The following NEURL3 variants were observed in gnomAD, a reference collection of about 807,000 sequenced individuals.
NEURL3 encodes the protein E3 ubiquitin-protein ligase NEURL3.
NEURL3 carries 19 observed loss-of-function variants against 17.6 expected under a neutral mutation model. The observed-to-expected ratio is 1.08, with a 90% CI of 0.75 to 1.58. The LOEUF (loss-of-function observed/expected upper bound fraction) is 1.58. Ranked by LOEUF, NEURL3 falls within the 40% of genes most tolerant of loss-of-function variation. NEURL3 has a pLI of 0.00. For missense variants in NEURL3, 342 were observed against 379.6 expected (o/e 0.90, Z 0.82); for synonymous variants, 180 against 161.4 (o/e 1.11, Z -0.87).
At chr2:96,506,231 A>G (rs2065559731), upstream of NEURL3, among the ~76,000 whole-genome samples, 1 of 151,930 alleles carries the variant, frequency 6.6e-6, no homozygotes, top group African/African-American at 2.4e-5. Context: ...TTTTTGAGAC[A>G]GGGTCTCACT....
rs145202138 is a variant in NEURL3 at position 96,503,310 on chromosome 2, G to C, written c.28+1949C>G. On this transcript the variant is annotated intron_variant, in intron 1 of 3. Transcript: ENST00000451794. ...GCAAAGCTCCCCGATCCCTGCTTCAGGAGCCTTCTCAGCAGCCCTGTATGG... is the reference window on the plus strand; with the variant it reads ...GCAAAGCTCCCCGATCCCTGCTTCACGAGCCTTCTCAGCAGCCCTGTATGG... Among the ~76,000 whole-genome samples, 702 of 152,280 alleles carry C rather than the reference G, an allele frequency of 4.6e-3. 7 individuals carry two copies. The Middle Eastern group carries it at 0.051, about 11-fold the overall frequency.
At chr2:96,502,100 C>T (rs1220940738) in intron 1 of NEURL3, among the ~76,000 whole-genome samples, 1 of 152,196 alleles carries the variant, frequency 6.6e-6, no homozygotes, top group Admixed American at 6.5e-5. Flanking sequence ...CCTGCAGTGA[C>T]CTTTCCCCAG....
At chr2:96,500,341 G>T in intron 2 of NEURL3, 98 bp downstream of exon 2, 1 of 1,510,814 alleles carries the variant, frequency 6.6e-7, no homozygotes, top group Non-Finnish European at 8.9e-7. Flanking sequence ...TGGAATAACT[G>T]AATGTGAACG....
chr2:96,499,108 G>A (rs1270776458), intron 3 of NEURL3: 1 of 1,104,912 alleles, frequency 9.1e-7, no homozygotes, highest in Admixed American at 3.5e-5. Flanking sequence ...CATTGGCAAA[G>A]CATTTACAAT....
At chr2:96,507,943 G>A (rs1036530602), upstream of NEURL3, 4 of 152,282 alleles carry the variant, frequency 2.6e-5, no homozygotes, top group Non-Finnish European at 5.9e-5. Context: ...CCCAGGTATC[G>A]TGGCTGGAGA....
intron 3 of NEURL3, among the ~76,000 whole-genome samples, chr2:96,499,006 G>C (rs2065471231): frequency 6.6e-6 from 1 of 152,092 alleles, no homozygotes; most frequent in Non-Finnish European, 1.5e-5. Context: ...TCAAACTCCT[G>C]GGCCCAAGCG....
At chr2:96,506,329 C>T (rs2065560427), upstream of NEURL3, among the ~76,000 whole-genome samples, 1 of 152,208 alleles carries the variant, frequency 6.6e-6, no homozygotes, top group Non-Finnish European at 1.5e-5. Flanking sequence ...CCTCAGCCTC[C>T]TGAGTAGCTG....
At position 96,504,679 on chromosome 2, in the gene NEURL3, A is replaced by G. The variant is rs578043080; in HGVS notation, c.28+580T>C. The G allele has an allele frequency of 4.2e-3, 645 of 152,292 alleles. 4 individuals are homozygous for G. The highest frequency in any genetic ancestry group is 0.024 in the Middle Eastern group (7 of 294). The allele number at this position is 152,292 out of a possible 1,614,324, so 9.4% of individuals were successfully genotyped here. A position where few individuals can be genotyped will look rare whatever the true frequency, so the allele number is the denominator to read the frequency against. ...TCACGAGGTCAGGAGATCGCGACCA[A>G]CCTGGCTAACATGGTGAAACCCCTT... On this transcript the variant is annotated intron_variant, in intron 1 of 3. Coordinates refer to ENST00000451794, the MANE Select transcript of NEURL3 (RefSeq NM_001285485.2).
At chr2:96,507,307 C>A (rs966383848), upstream of NEURL3, among the ~76,000 whole-genome samples, 1 of 152,150 alleles carries the variant, frequency 6.6e-6, no homozygotes, top group Non-Finnish European at 1.5e-5. Flanking sequence ...TTCCAAAGGC[C>A]CCTGTGTCAT....
chr2:96,498,974 C>T lies in NEURL3; in HGVS notation c.586+404G>A, dbSNP rs1225265870. On this transcript the variant is annotated intron_variant, in intron 3 of 3. Coordinates refer to ENST00000451794, the MANE Select transcript of NEURL3 (RefSeq NM_001285485.2). This position sits in a 1 kb window ranked among gnomAD's most constrained non-coding sequence, Gnocchi z 4.4. ...TGTACTTTTTGTAGAGACAGGGTTT[C>T]GCCATGTTGCCCAGGCTGGTCTCAA... Among the ~76,000 whole-genome samples the T allele has an allele frequency of 6.6e-6, 1 of 152,090 alleles. No homozygotes were observed. The highest frequency in any genetic ancestry group is 1.5e-5 in the Non-Finnish European group (1 of 68,022).
chr2:96,502,504 G>C lies in NEURL3; in HGVS notation c.29-1580C>G, dbSNP rs552758141. 3.3e-5 allele frequency among the ~76,000 whole-genome samples: 5 copies of C among 152,356 alleles called. 1 individual carries two copies. The East Asian group carries it at 9.6e-4, about 29-fold the overall frequency. The stretch of plus-strand genomic sequence containing the variant: ...CTCCTCACCTACAAACGGCAGTGAA[G>C]TGCATGTCCAGCAAGGCCAGGAGTC... On this transcript the variant is annotated intron_variant, in intron 1 of 3. Transcript: ENST00000451794.
Position 96,498,563 on chromosome 2 carries a change from C to T in NEURL3, c.587-117G>A. On this transcript the variant is annotated intron_variant, in intron 3 of 3. Transcript: ENST00000451794. The surrounding 1 kb of genome is among the most constrained non-coding windows in gnomAD (Gnocchi z 4.4). ...GTAGCTATATTTTGAAGAATGTTAC[C>T]TAGTGAGGAAATGCTTACAGTGTAA... 2.1e-6 allele frequency: 2 copies of T among 969,878 alleles called. No homozygotes were observed. The highest frequency in any genetic ancestry group is 3.0e-6 in the Non-Finnish European group (2 of 672,728). 60.1% of individuals were successfully genotyped at this position (969,878 alleles called of 1,614,324 possible). A position where few individuals can be genotyped will look rare whatever the true frequency, so the allele number is the denominator to read the frequency against.
chr2:96,498,680 C>A lies in NEURL3; in HGVS notation c.587-234G>T, dbSNP rs910593102. On this transcript the variant is annotated intron_variant, in intron 3 of 3. Coordinates refer to ENST00000451794, the MANE Select transcript of NEURL3 (RefSeq NM_001285485.2). The surrounding 1 kb of genome is among the most constrained non-coding windows in gnomAD (Gnocchi z 4.4). The stretch of plus-strand genomic sequence containing the variant: ...GAAGGAAAACGCAGCACAGACAAGT[C>A]CCTATATACACACGTCTATATCGAT... Among the ~76,000 whole-genome samples the A allele has an allele frequency of 1.3e-5, 2 of 152,150 alleles. No individual in the cohort carries two copies. The highest frequency in any genetic ancestry group is 2.9e-5 in the Non-Finnish European group (2 of 68,020).
chr2:96,507,408 G>C (rs1200046252), upstream of NEURL3, among the ~76,000 whole-genome samples: 1 of 152,174 alleles, frequency 6.6e-6, no homozygotes, highest in Non-Finnish European at 1.5e-5. Flanking sequence ...AGCAATGGGT[G>C]GGGAAAGATT....
At chr2:96,507,455 C>CGTTTTT (rs1558602177), upstream of NEURL3, among the ~76,000 whole-genome samples, 2 of 152,052 alleles carry the variant, frequency 1.3e-5, no homozygotes, top group Non-Finnish European at 2.9e-5. Flanking sequence ...AGAATGCTAC[C>CGTTTTT]GTTTTTGTTG....
chr2:96,499,818 C>A (rs915796232), intron 2 of NEURL3, among the ~76,000 whole-genome samples: 13 of 152,038 alleles, frequency 8.6e-5, no homozygotes, highest in African/African-American at 4.8e-5. Context: ...CCAGACCCAG[C>A]AAATCAGGTG....
At chr2:96,501,529 T>C (rs2065507418) in intron 1 of NEURL3, among the ~76,000 whole-genome samples, 1 of 152,088 alleles carries the variant, frequency 6.6e-6, no homozygotes, top group South Asian at 2.1e-4. Flanking sequence ...GGTGACATCC[T>C]TGTCCTGGGA....
chr2:96,501,165 G>T (rs1242969297), intron 1 of NEURL3, among the ~76,000 whole-genome samples: 1 of 152,152 alleles, frequency 6.6e-6, no homozygotes, highest in Non-Finnish European at 1.5e-5. Context: ...GAAAGAGTAG[G>T]GTTAGTCAGG....
chr2:96,498,653 G>A lies in NEURL3; in HGVS notation c.587-207C>T, dbSNP rs979309274. ...ACATATATTCCAATTCCAATTTAGA[G>A]AGAAGGAAAACGCAGCACAGACAAG... is the stretch of plus-strand genomic sequence containing the variant. On this transcript the variant is annotated intron_variant, in intron 3 of 3. Transcript: ENST00000451794. The surrounding 1 kb of genome is among the most constrained non-coding windows in gnomAD (Gnocchi z 4.4). Among the ~76,000 whole-genome samples the A allele has an allele frequency of 5.3e-5, 8 of 152,156 alleles. No individual in the cohort carries two copies. The highest frequency in any genetic ancestry group is 1.7e-4 in the African/African-American group (7 of 41,420).
Sources: allele counts gnomAD v4.1 joint callset (sites outside exome capture counted in the v4.1 genomes callset), GRCh38; gene constraint gnomAD v4.1.1; non-coding constraint Gnocchi (gnomAD v3.1); transcripts MANE v1.5; gene names NCBI Gene and HGNC (gene_info 2026-07-23, HGNC 2026-07-21).